CCDC70: variants seen among roughly 807,000 people sequenced by gnomAD.
The protein encoded by CCDC70 is coiled-coil domain-containing protein 70.
Under a neutral mutation model 9.1 loss-of-function variants are expected in CCDC70, and 4 were observed. The ratio of observed to expected loss-of-function variants is 0.44; its 90% CI spans 0.22 to 1.00. The LOEUF is 1.00. Ranked by LOEUF, CCDC70 falls within the 50% of genes least tolerant of loss-of-function variation. The pLI is 0.25. For synonymous variants in CCDC70, 119 were observed against 94.0 expected (o/e 1.27, Z -1.54); for missense variants, 308 against 271.3 (o/e 1.14, Z -0.95).
At chr13:51,863,872 A>G (rs1052863469) in intron 1 of CCDC70, among the ~76,000 whole-genome samples, 1 of 152,196 alleles carries the variant, frequency 6.6e-6, no homozygotes, top group African/African-American at 2.4e-5. Flanking sequence ...CAGAAAGCAC[A>G]AAATGGAAAA....
At chr13:51,863,672 GACACACACACACACACACACAC>G (rs35041555) in intron 1 of CCDC70, among the ~76,000 whole-genome samples, 222 of 134,388 alleles carry the variant, frequency 1.7e-3, no homozygotes, top group African/African-American at 5.5e-3. Context: ...CGCGCACACA[GACACACACACACACACACACAC>G]ACACACACAC....
chr13:51,866,197 T>C lies in CCDC70; in HGVS notation c.*117T>C. 2.3e-6 allele frequency: 2 copies of C among 885,408 alleles called. No homozygotes were observed. Among genetic ancestry groups the C allele is most frequent in the Non-Finnish European group, 3.3e-6 (2 of 602,502 alleles). 54.8% of individuals were successfully genotyped at this position (885,408 alleles called of 1,614,324 possible). ...TCATTGGTCTCCTTGCTTTGAAAGA[T>C]CCAATAAAGTCCTGAGGCAAGGTTT... On this transcript the variant is annotated 3_prime_UTR_variant, in exon 2 of 2. Transcript: ENST00000242819.
chr13:51,865,817 C>T lies in CCDC70; in HGVS notation c.406C>T (p.Arg136Trp), dbSNP rs957715528. The T allele has an allele frequency of 6.8e-6, 11 of 1,614,030 alleles. No homozygotes were observed. The highest frequency in any genetic ancestry group is 4.5e-5 in the East Asian group (2 of 44,892). Residue 136 changes from arginine to tryptophan, a missense_variant, in exon 2 of 2, where the codon CGG becomes TGG. By Grantham distance (101) the Arg-to-Trp change is moderately radical. Coordinates refer to ENST00000242819, the MANE Select transcript of CCDC70 (RefSeq NM_031290.4). ...GGACAATGCCTTATGGGAAAGAGACCGGAACCTTCTTCAGGAGGACAAGGC... is the reference window on the plus strand; with the variant it reads ...GGACAATGCCTTATGGGAAAGAGACTGGAACCTTCTTCAGGAGGACAAGGC... ...KEDNALWERD[R>W]NLLQEDKALW...
Position 51,866,083 on chromosome 13 carries a change from A to T in CCDC70, c.*3A>T. On this transcript the variant is annotated 3_prime_UTR_variant, in exon 2 of 2. Coordinates refer to ENST00000242819, the MANE Select transcript of CCDC70 (RefSeq NM_031290.4). ...CCTTCTCCCGAGGCAGGGCGTAGCC[A>T]GCATGCAGGTGCAGGGCCCTGTGGT... The T allele has an allele frequency of 1.3e-6, 2 of 1,564,496 alleles. No individual in the cohort carries two copies. The highest frequency in any genetic ancestry group is 1.7e-6 in the Non-Finnish European group (2 of 1,158,216).
rs74087829 is a variant in CCDC70 at position 51,864,120 on chromosome 13, T to C, written c.-80-1212T>C. ...CCTTCCTTCCTTCCCTCCCTCTCTT[T>C]TTCTTTTCTTTTTTTCTTTTCCTTC... On this transcript the variant is annotated intron_variant, in intron 1 of 1. Transcript: ENST00000242819. 4.0e-3 allele frequency among the ~76,000 whole-genome samples: 597 copies of C among 151,126 alleles called. 4 individuals are homozygous for C. Among genetic ancestry groups the C allele is most frequent in the African/African-American group, 0.014 (576 of 41,080 alleles).
At position 51,866,198 on chromosome 13, in the gene CCDC70, C is replaced by A; in HGVS notation, c.*118C>A. ...CATTGGTCTCCTTGCTTTGAAAGAT[C>A]CAATAAAGTCCTGAGGCAAGGTTTG... On this transcript the variant is annotated 3_prime_UTR_variant, in exon 2 of 2. Transcript: ENST00000242819. The A allele has an allele frequency of 1.1e-6, 1 of 884,116 alleles. No individual in the cohort carries two copies. The highest frequency in any genetic ancestry group is 1.7e-6 in the Non-Finnish European group (1 of 601,672). 54.8% of individuals were successfully genotyped at this position (884,116 alleles called of 1,614,324 possible).
chr13:51,864,247 T>C (rs1956403673), intron 1 of CCDC70, among the ~76,000 whole-genome samples: 1 of 152,104 alleles, frequency 6.6e-6, no homozygotes, highest in South Asian at 2.1e-4. Flanking sequence ...ACAACACACA[T>C]GAAACCGCCA....
intron 1 of CCDC70, among the ~76,000 whole-genome samples, chr13:51,862,959 T>A (rs2138102244): frequency 6.6e-6 from 1 of 152,368 alleles, no homozygotes. Flanking sequence ...TGTCCACACC[T>A]AATTTCAATC....
intron 1 of CCDC70, among the ~76,000 whole-genome samples, chr13:51,864,122 T>C (rs935413728): frequency 6.6e-6 from 1 of 151,770 alleles, no homozygotes; most frequent in African/African-American, 2.4e-5. Flanking sequence ...CCTCTCTTTT[T>C]CTTTTCTTTT....
rs141474016 is a variant in CCDC70 at position 51,863,876 on chromosome 13, T to C, written c.-80-1456T>C. Among the ~76,000 whole-genome samples, 206 of 152,194 alleles carry C rather than the reference T, an allele frequency of 1.4e-3. 2 individuals carry two copies. Among genetic ancestry groups the C allele is most frequent in the Middle Eastern group, 3.4e-3 (1 of 294 alleles). Reference sequence around the variant, plus strand: ...GCAGCTTCCTCCAGAAAGCACAAAATGGAAAACAATGCTGTCAGCATGTGC... The same window carrying C: ...GCAGCTTCCTCCAGAAAGCACAAAACGGAAAACAATGCTGTCAGCATGTGC... On this transcript the variant is annotated intron_variant, in intron 1 of 1. Transcript: ENST00000242819.
At chr13:51,862,978 CAAGT>C (rs1383276679) in intron 1 of CCDC70, among the ~76,000 whole-genome samples, 4 of 152,126 alleles carry the variant, frequency 2.6e-5, no homozygotes, top group Non-Finnish European at 5.9e-5. Flanking sequence ...TCAAGTGTGA[CAAGT>C]AATAGTGGAG....
chr13:51,864,160 CTTTTA>C (rs1328866095), intron 1 of CCDC70, among the ~76,000 whole-genome samples: 5 of 150,256 alleles, frequency 3.3e-5, no homozygotes, highest in African/African-American at 1.2e-4. Flanking sequence ...TTCCTCCCAG[CTTTTA>C]TTTTATTGTG....
chr13:51,865,257 T>C, intron 1 of CCDC70, 75 bp from the exon 2 acceptor site: 1 of 700,492 alleles, frequency 1.4e-6, no homozygotes, highest in Non-Finnish European at 2.3e-6. Context: ...TTTTCTCAAA[T>C]TCAGTAGTAC....
chr13:51,863,896 A>C (rs562655029), intron 1 of CCDC70, among the ~76,000 whole-genome samples: 1 of 152,312 alleles, frequency 6.6e-6, no homozygotes, highest in Admixed American at 6.5e-5. Context: ...TGCTGTCAGC[A>C]TGTGCCTGCA....
chr13:51,865,673 ACCTTCTGGAAAGAGGAAAAAT>A lies in CCDC70; in HGVS notation c.271_291del (p.Lys91_Trp97del). ...GAGACCTTTCTGGGAAGAGGAGAAA[ACCTTCTGGAAAGAGGAAAAAT>A]CCTTCTGGGAAATGGAAAAGTCTTT... On this transcript the variant is annotated inframe_deletion, in exon 2 of 2. Coordinates refer to ENST00000242819, the MANE Select transcript of CCDC70 (RefSeq NM_031290.4). 6.2e-7 allele frequency: 1 copy of A among 1,614,122 alleles called. No individual in the cohort carries two copies. The highest frequency in any genetic ancestry group is 8.5e-7 in the Non-Finnish European group (1 of 1,180,008).
chr13:51,865,030 G>T (rs1247373725), intron 1 of CCDC70, among the ~76,000 whole-genome samples: 1 of 152,178 alleles, frequency 6.6e-6, no homozygotes, highest in Non-Finnish European at 1.5e-5. Context: ...TTTAACAAAC[G>T]TAAATTCTTC....
chr13:51,864,765 A>G (rs1200099453), intron 1 of CCDC70, among the ~76,000 whole-genome samples: 1 of 152,060 alleles, frequency 6.6e-6, no homozygotes, highest in Non-Finnish European at 1.5e-5. Flanking sequence ...CATATTACTA[A>G]ATATTGTGTG....
intron 1 of CCDC70, among the ~76,000 whole-genome samples, chr13:51,864,704 T>C (rs1956406235): frequency 6.6e-6 from 1 of 152,192 alleles, no homozygotes; most frequent in Non-Finnish European, 1.5e-5. Flanking sequence ...TTCCTCAGGG[T>C]TTATACCTGG....
intron 1 of CCDC70, among the ~76,000 whole-genome samples, chr13:51,864,414 T>G (rs1370192547): frequency 6.6e-6 from 1 of 152,202 alleles, no homozygotes; most frequent in African/African-American, 2.4e-5. Flanking sequence ...GCTTTTCTCT[T>G]TCTGTGTTGA....
Sources: gnomAD v4.1 joint callset for allele counts (sites outside exome capture counted in the v4.1 genomes callset) on GRCh38, gnomAD v4.1.1 for gene constraint, MANE v1.5 for transcripts, NCBI Gene and HGNC (gene_info 2026-07-23, HGNC 2026-07-21) for gene names.